TSNARE1: variants seen among roughly 807,000 people sequenced by gnomAD.
The protein encoded by TSNARE1 is t-SNARE domain-containing protein 1.
In TSNARE1, 49 loss-of-function variants were observed where a neutral mutation model predicts 62.0. The ratio of observed to expected loss-of-function variants is 0.79; its 90% CI spans 0.63 to 1.00. The LOEUF is 1.00. Ranked by LOEUF, TSNARE1 falls within the 50% of genes least tolerant of loss-of-function variation. TSNARE1 has a pLI of 0.00. For missense variants in TSNARE1, 755 were observed against 700.1 expected (o/e 1.08, Z -0.88); for synonymous variants, 328 against 294.4 (o/e 1.11, Z -1.17).
chr8:142,278,230 C>T (rs9886385), intron 11 of TSNARE1: 125,561 of 985,338 alleles, frequency 0.13, 9,035 homozygotes, highest in African/African-American at 0.29. Flanking sequence ...GGTCTACATG[C>T]GTCTCCCAAC....
intron 12 of TSNARE1, among the ~76,000 whole-genome samples, chr8:142,238,759 C>T (rs1332810694): frequency 2.7e-5 from 4 of 149,566 alleles, no homozygotes; most frequent in Non-Finnish European, 4.5e-5. Flanking sequence ...GCACGCCCAC[C>T]CCTGCACGCC....
intron 13 of TSNARE1, among the ~76,000 whole-genome samples, chr8:142,218,898 G>C (rs544797159): frequency 5.8e-4 from 89 of 152,282 alleles, no homozygotes; most frequent in Admixed American, 1.3e-3. Flanking sequence ...ATTTATTATT[G>C]CAATTACTGA....
intron 12 of TSNARE1, among the ~76,000 whole-genome samples, chr8:142,242,970 A>AAAAAG (rs58552964): frequency 1.3e-5 from 2 of 149,852 alleles, no homozygotes; most frequent in African/African-American, 5.0e-5. Flanking sequence ...AAAAAAAAAA[A>AAAAAG]GCTAACAGAT....
chr8:142,316,331 G>A (rs1310622498), intron 7 of TSNARE1, among the ~76,000 whole-genome samples: 1 of 151,710 alleles, frequency 6.6e-6, no homozygotes, highest in Non-Finnish European at 1.5e-5. Flanking sequence ...TATGAGGAGT[G>A]ACCCATGCAT....
intron 4 of TSNARE1, among the ~76,000 whole-genome samples, chr8:142,341,185 A>C (rs1832536927): frequency 6.6e-6 from 1 of 151,938 alleles, no homozygotes; most frequent in Non-Finnish European, 1.5e-5. Context: ...TTGGGGAGGG[A>C]GTTGAAGTGG....
intron 6 of TSNARE1, among the ~76,000 whole-genome samples, chr8:142,318,960 C>A (rs569158099): frequency 6.7e-6 from 1 of 148,256 alleles, no homozygotes; most frequent in South Asian, 2.2e-4. Flanking sequence ...GGCAGACACC[C>A]AGCAAGAGAC....
chr8:142,227,137 C>A (rs575755327), intron 13 of TSNARE1, among the ~76,000 whole-genome samples: 1 of 150,216 alleles, frequency 6.7e-6, no homozygotes. Flanking sequence ...CCCCACTGCA[C>A]CCACACCCCA....
chr8:142,218,811 C>A (rs1387146466), intron 13 of TSNARE1, among the ~76,000 whole-genome samples: 1 of 152,226 alleles, frequency 6.6e-6, no homozygotes, highest in Admixed American at 6.5e-5. Flanking sequence ...CATTCACATT[C>A]CACTGCTGAC....
intron 1 of TSNARE1, among the ~76,000 whole-genome samples, chr8:142,395,402 C>A (rs762146499): frequency 1.3e-5 from 2 of 151,970 alleles, no homozygotes; most frequent in Non-Finnish European, 1.5e-5. Context: ...CAGGAGGTCA[C>A]CAGTCGGGGC....
intron 1 of TSNARE1, among the ~76,000 whole-genome samples, chr8:142,395,890 G>C (rs1169103093): frequency 2.0e-5 from 3 of 152,196 alleles, no homozygotes; most frequent in Admixed American, 6.5e-5. Flanking sequence ...ACTGATTCTG[G>C]GCTCTGGTTT....
chr8:142,387,220 A>G (rs567963964), intron 1 of TSNARE1, among the ~76,000 whole-genome samples: 1 of 152,342 alleles, frequency 6.6e-6, no homozygotes, highest in South Asian at 2.1e-4. Context: ...CGAACCAAAA[A>G]GAAAATACAA....
At chr8:142,385,672 A>G (rs559088551) in intron 1 of TSNARE1, among the ~76,000 whole-genome samples, 12 of 152,358 alleles carry the variant, frequency 7.9e-5, no homozygotes, top group Non-Finnish European at 7.4e-5. Context: ...TAGATTTAAT[A>G]GTATAAAGGC....
rs1202610305 is a variant in TSNARE1 at position 142,217,365 on chromosome 8, A to AG, written c.*12-5053_*12-5052insC. Among the ~76,000 whole-genome samples the AG allele has an allele frequency of 5.7e-3, 796 of 140,782 alleles. 9 individuals are homozygous for AG. The highest frequency in any genetic ancestry group is 0.019 in the African/African-American group (734 of 37,872). The allele number at this position is 140,782 out of a possible 152,430, so 92.4% of individuals were successfully genotyped here. A position where few individuals can be genotyped will look rare whatever the true frequency, so the allele number is the denominator to read the frequency against. ...AAAGAAAGAAAGAAAGAAAGAAAGA[A>AG]AGAAAGAAAAAAGGGAAAGAAAGAA... On this transcript the variant is annotated intron_variant, in intron 13 of 13. Transcript: ENST00000524325.
chr8:142,293,439 T>A (rs1001161522), intron 10 of TSNARE1, among the ~76,000 whole-genome samples: 1 of 152,186 alleles, frequency 6.6e-6, no homozygotes, highest in Non-Finnish European at 1.5e-5. Context: ...GCAGTTACAC[T>A]CCACCGTGGC....
At chr8:142,270,531 A>G (rs1327624234) in intron 12 of TSNARE1, 18 of 982,560 alleles carry the variant, frequency 1.8e-5, no homozygotes, top group Non-Finnish European at 2.2e-5. Context: ...AAAATTGGAT[A>G]GAAATTATTC....
chr8:142,337,221 T>C (rs1335702374), intron 4 of TSNARE1, among the ~76,000 whole-genome samples: 1 of 152,220 alleles, frequency 6.6e-6, no homozygotes, highest in South Asian at 2.1e-4. Context: ...GGAATAATAC[T>C]GAGATGATAA....
chr8:142,289,348 ACT>A (rs1823357414), intron 10 of TSNARE1, among the ~76,000 whole-genome samples: 1 of 151,800 alleles, frequency 6.6e-6, no homozygotes. Flanking sequence ...CTTGGGGAGC[ACT>A]CTCTGTATAG....
At chr8:142,277,281 A>C in intron 11 of TSNARE1, 1 of 985,398 alleles carries the variant, frequency 1.0e-6, no homozygotes, top group Non-Finnish European at 1.2e-6. Context: ...TCCAGGGGCC[A>C]GAGAGAGCAG....
At chr8:142,246,414 C>A (rs1817886045) in intron 12 of TSNARE1, among the ~76,000 whole-genome samples, 1 of 152,098 alleles carries the variant, frequency 6.6e-6, no homozygotes, top group South Asian at 2.1e-4. Context: ...ATCCAGCCTG[C>A]CCCCATCTGA....
Sources: allele counts gnomAD v4.1 joint callset (sites outside exome capture counted in the v4.1 genomes callset), GRCh38; gene constraint gnomAD v4.1.1; transcripts MANE v1.5; gene names NCBI Gene and HGNC (gene_info 2026-07-23, HGNC 2026-07-21).